The following BNIP2 variants were observed in gnomAD, a reference collection of about 807,000 sequenced individuals.
The protein encoded by BNIP2 is BCL2/adenovirus E1B 19 kDa protein-interacting protein 2.
BNIP2 carries 36 observed loss-of-function variants against 43.4 expected under a neutral mutation model. That is an observed-to-expected ratio of 0.83 (90% CI 0.64 to 1.10). BNIP2 has a LOEUF of 1.10. Ranked by LOEUF, BNIP2 falls within the 50% of genes least tolerant of loss-of-function variation. BNIP2 has a pLI of 0.00. For synonymous variants in BNIP2, 146 were observed against 121.0 expected (o/e 1.21, Z -1.35); for missense variants, 417 against 374.1 (o/e 1.11, Z -0.95).
At chr15:59,680,100 C>T in intron 3 of BNIP2, 141 bp downstream of exon 3, 1 of 731,376 alleles carries the variant, frequency 1.4e-6, no homozygotes, top group South Asian at 2.7e-5. Context: ...TCTAAAAATG[C>T]TTTCCTCAAT....
At position 59,679,673 on chromosome 15, in the gene BNIP2, C is replaced by A. The variant is rs760469084; in HGVS notation, c.214G>T (p.Asp72Tyr). 3 of 1,612,990 alleles carry A rather than the reference C, an allele frequency of 1.9e-6. No homozygotes were observed. Among genetic ancestry groups the A allele is most frequent in the Non-Finnish European group, 2.5e-6 (3 of 1,179,480 alleles). The change falls in exon 4 of 10, where the codon GAT becomes TAT. Residue 72 changes from aspartate (D) to tyrosine (Y), a missense_variant. Coordinates refer to ENST00000607373, the MANE Select transcript of BNIP2 (RefSeq NM_004330.4). ...LDPSDGSVLS[D>Y]DLDESGEIDL... ...ATCTCCCCACTTTCATCCAAATCAT[C>A]TGACAATACAGAGCCATCACTAGGA...
intron 3 of BNIP2, among the ~76,000 whole-genome samples, 166 bp downstream of exon 3, chr15:59,680,074 AT>A (rs1274834360): frequency 2.0e-5 from 3 of 151,912 alleles, no homozygotes; most frequent in Admixed American, 6.6e-5. Flanking sequence ...TGTTTTTGGA[AT>A]TTTTTTTAAA....
rs1289512354 is a variant in BNIP2 at position 59,682,459 on chromosome 15, C to G, written c.-2G>C. On this transcript the variant is annotated 5_prime_UTR_variant, in exon 2 of 10. Coordinates refer to ENST00000607373, the MANE Select transcript of BNIP2 (RefSeq NM_004330.4). ...TTCTTTAAGTTCCACACCTTCCATCCTCAGCCTGGATTCAATGTCAACTAC... is the reference window on the plus strand; with the variant it reads ...TTCTTTAAGTTCCACACCTTCCATCGTCAGCCTGGATTCAATGTCAACTAC... The G allele has an allele frequency of 2.5e-6, 4 of 1,613,714 alleles. No homozygotes were observed. In the African/African-American group the frequency reaches 5.3e-5, roughly 22 times the overall value.
At chr15:59,669,110 G>A in intron 8 of BNIP2, 120 bp from the exon 9 acceptor site, 1 of 1,109,302 alleles carries the variant, frequency 9.0e-7, no homozygotes, top group South Asian at 1.4e-5. Context: ...GATGATAAAT[G>A]TCTGAGGTGA....
At chr15:59,664,614 C>G (rs6151580) in intron 9 of BNIP2, among the ~76,000 whole-genome samples, 99,560 of 151,586 alleles carry the variant, frequency 0.66, 33,065 homozygotes, top group African/African-American at 0.74. Flanking sequence ...ATCTCCTGAC[C>G]TCGTGATCTG....
At chr15:59,681,442 C>A (rs1326244792) in intron 2 of BNIP2, among the ~76,000 whole-genome samples, 3 of 146,146 alleles carry the variant, frequency 2.1e-5, no homozygotes, top group South Asian at 2.2e-4. Flanking sequence ...TGGGGGGGAA[C>A]CCACAAATTT....
chr15:59,684,255 A>G (rs1163695157), intron 1 of BNIP2, among the ~76,000 whole-genome samples: 1 of 152,238 alleles, frequency 6.6e-6, no homozygotes, highest in African/African-American at 2.4e-5. Flanking sequence ...CAGAAAAAAA[A>G]TGGTAGATGC....
chr15:59,675,540 G>A (rs542633456), intron 5 of BNIP2, among the ~76,000 whole-genome samples: 14 of 152,192 alleles, frequency 9.2e-5, no homozygotes, highest in African/African-American at 3.4e-4. Flanking sequence ...AACCGAGGAG[G>A]CAGAGGTTGC....
At chr15:59,681,240 G>A (rs1893648059) in intron 2 of BNIP2, among the ~76,000 whole-genome samples, 1 of 152,168 alleles carries the variant, frequency 6.6e-6, no homozygotes, top group South Asian at 2.1e-4. Context: ...ACCTGATTAT[G>A]CACTAGGATG....
chr15:59,688,910 C>G lies in BNIP2; in HGVS notation c.-58+225G>C, dbSNP rs920426364. On this transcript the variant is annotated intron_variant, in intron 1 of 9. Coordinates refer to ENST00000607373, the MANE Select transcript of BNIP2 (RefSeq NM_004330.4). ...AAAAGCGACGGGGTGGGGGGCCAAA[C>G]TGCCAAATACAAACAGGACCCAAGC... The G allele has an allele frequency of 3.3e-5, 49 of 1,464,652 alleles. 1 individual carries two copies. In the Admixed American group the frequency reaches 6.7e-4, roughly 20 times the overall value. 90.7% of individuals were successfully genotyped at this position (1,464,652 alleles called of 1,614,324 possible). A position where few individuals can be genotyped will look rare whatever the true frequency, so the allele number is the denominator to read the frequency against.
chr15:59,680,070 T>A (rs2142012003), intron 3 of BNIP2, among the ~76,000 whole-genome samples, 171 bp downstream of exon 3: 1 of 152,304 alleles, frequency 6.6e-6, no homozygotes, highest in Middle Eastern at 3.4e-3. Flanking sequence ...TGTATGTTTT[T>A]GGAATTTTTT....
At chr15:59,686,965 C>T (rs763564471) in intron 1 of BNIP2, among the ~76,000 whole-genome samples, 9 of 152,050 alleles carry the variant, frequency 5.9e-5, no homozygotes, top group Non-Finnish European at 7.4e-5. Context: ...TGCAGTGAGC[C>T]GAGATTGCGC....
intron 1 of BNIP2, among the ~76,000 whole-genome samples, chr15:59,682,973 G>A (rs766907838): frequency 6.6e-6 from 1 of 152,148 alleles, no homozygotes; most frequent in Non-Finnish European, 1.5e-5. Context: ...CAGGTGGTGT[G>A]CTGTCTTTCA....
intron 7 of BNIP2, among the ~76,000 whole-genome samples, chr15:59,670,576 A>G: frequency 6.6e-6 from 1 of 152,248 alleles, no homozygotes; most frequent in East Asian, 1.9e-4. Context: ...TGTGGAGAAA[A>G]TTGCATCTTA....
chr15:59,684,707 T>C (rs1191904747), intron 1 of BNIP2, among the ~76,000 whole-genome samples: 1 of 152,220 alleles, frequency 6.6e-6, no homozygotes, highest in East Asian at 1.9e-4. Flanking sequence ...TTTCCTAAAT[T>C]CAATAATCAG....
intron 5 of BNIP2, among the ~76,000 whole-genome samples, chr15:59,675,241 T>C (rs1344416923): frequency 4.3e-5 from 6 of 140,010 alleles, no homozygotes; most frequent in Non-Finnish European, 9.2e-5. Flanking sequence ...AGAATGAGAC[T>C]CCATCTCAAA....
At chr15:59,669,122 G>A (rs1892743922) in intron 8 of BNIP2, 132 bp from the exon 9 acceptor site, 1 of 1,038,804 alleles carries the variant, frequency 9.6e-7, no homozygotes, top group East Asian at 2.6e-5. Context: ...CTGAGGTGAT[G>A]GATGTACTAA....
chr15:59,664,640 C>T (rs376112781), intron 9 of BNIP2, among the ~76,000 whole-genome samples: 1 of 152,262 alleles, frequency 6.6e-6, no homozygotes, highest in Admixed American at 6.5e-5. Context: ...CTCAGCCTCC[C>T]AAAGTGCTGG....
intron 1 of BNIP2, among the ~76,000 whole-genome samples, chr15:59,684,442 A>T (rs1893888935): frequency 6.6e-6 from 1 of 152,242 alleles, no homozygotes; most frequent in Non-Finnish European, 1.5e-5. Flanking sequence ...AAACAAAAAG[A>T]GGGACACCTA....
Sources: gnomAD v4.1 joint callset for allele counts (sites outside exome capture counted in the v4.1 genomes callset) on GRCh38, gnomAD v4.1.1 for gene constraint, MANE v1.5 for transcripts, NCBI Gene and HGNC (gene_info 2026-07-23, HGNC 2026-07-21) for gene names.